Variants in TM6SF2 observed in about 807,000 individuals in gnomAD.
The protein encoded by TM6SF2 is transmembrane 6 superfamily member 2.
Under a neutral mutation model 41.0 loss-of-function variants are expected in TM6SF2, and 29 were observed. The observed-to-expected ratio is 0.71, with a 90% confidence interval of 0.53 to 0.96. The LOEUF (loss-of-function observed/expected upper bound fraction) is 0.96. Ranked by LOEUF, TM6SF2 falls within the 50% of genes least tolerant of loss-of-function variation. TM6SF2 has a pLI of 0.00. For synonymous variants in TM6SF2, 200 were observed against 209.1 expected (o/e 0.96, Z 0.37); for missense variants, 475 against 499.0 (o/e 0.95, Z 0.46).
chr19:19,270,534 C>A, intron 2 of TM6SF2, 92 bp from the exon 3 acceptor site: 2 of 1,458,074 alleles, frequency 1.4e-6, no homozygotes, highest in South Asian at 2.6e-5. Flanking sequence ...AAGTTAAGGT[C>A]AGGGATGAGA....
chr19:19,269,875 C>G lies in TM6SF2; in HGVS notation c.402-106G>C. 1.9e-6 allele frequency: 3 copies of G among 1,584,940 alleles called. No individual in the cohort carries two copies. In the African/African-American group the frequency reaches 4.0e-5, roughly 21 times the overall value. On this transcript the variant is annotated intron_variant, in intron 4 of 9. Coordinates refer to ENST00000389363, the MANE Select transcript of TM6SF2 (RefSeq NM_001001524.3). ...GGGTTTCCCAGCTCCGGGTCCCTTT[C>G]AGTTTTGCCCAGGATGGAAGGGACA...
intron 2 of TM6SF2, 51 bp from the exon 3 acceptor site, chr19:19,270,493 T>TGGGGACACGTGTGGGG (rs1446784023): frequency 1.3e-6 from 2 of 1,562,784 alleles, no homozygotes; most frequent in Non-Finnish European, 1.7e-6. Flanking sequence ...CACGTGTGGG[T>TGGGGACACGTGTGGGG]GGGGCTAGGG....
intron 4 of TM6SF2, 27 bp downstream of exon 4, chr19:19,270,146 G>A (rs1368010958): frequency 3.7e-6 from 6 of 1,613,210 alleles, no homozygotes; most frequent in Admixed American, 1.7e-5. Flanking sequence ...CCAGGGTCAG[G>A]GGCCACCCTC....
At chr19:19,270,919 G>A (rs2074302) in intron 2 of TM6SF2, 103 bp downstream of exon 2, 8 of 938,534 alleles carry the variant, frequency 8.5e-6, no homozygotes, top group African/African-American at 6.5e-5. Flanking sequence ...AGCTCTTAAA[G>A]GGCCCCCAGT....
chr19:19,267,911 G>T, intron 7 of TM6SF2, 75 bp downstream of exon 7: 1 of 1,223,690 alleles, frequency 8.2e-7, no homozygotes, highest in Non-Finnish European at 1.2e-6. Context: ...AAACAGGAAG[G>T]GCAGTGTGGG....
At chr19:19,267,944 A>G (rs780882997) in intron 7 of TM6SF2, 42 bp downstream of exon 7, 1 of 1,503,080 alleles carries the variant, frequency 6.7e-7, no homozygotes, top group Non-Finnish European at 9.2e-7. Context: ...GGGAAGGGAG[A>G]CTGGTGGCAG....
chr19:19,267,469 C>G, intron 8 of TM6SF2, 152 bp downstream of exon 8: 1 of 512,480 alleles, frequency 2.0e-6, no homozygotes, highest in Middle Eastern at 5.0e-4. Flanking sequence ...TCCAGCCATA[C>G]CTGAAGACCA....
At chr19:19,269,625 T>C in intron 5 of TM6SF2, 62 bp downstream of exon 5, 1 of 1,598,818 alleles carries the variant, frequency 6.3e-7, no homozygotes, top group Non-Finnish European at 8.6e-7. Context: ...TGGGGGTGCT[T>C]CTAGGTGCAG....
intron 1 of TM6SF2, among the ~76,000 whole-genome samples, chr19:19,271,997 T>C (rs569607367): frequency 6.6e-4 from 101 of 152,288 alleles, no homozygotes; most frequent in African/African-American, 2.4e-3. Flanking sequence ...TCCCAGCTCC[T>C]CCCAGCTAAA....
At chr19:19,265,617 C>T (rs980381352) in intron 9 of TM6SF2, among the ~76,000 whole-genome samples, 1 of 151,780 alleles carries the variant, frequency 6.6e-6, no homozygotes, top group Non-Finnish European at 1.5e-5. Flanking sequence ...CAGGTTTTTG[C>T]CATGTTGCCT....
In TM6SF2 at chr19:19,264,404, G is replaced by A. The variant is rs1568610546; in HGVS notation, c.*260C>T. ...AAGGGTTTTTACTGAAAGGATCCAT[G>A]GGGGGATGATGGGTAAGTTCTGGAA... On this transcript the variant is annotated 3_prime_UTR_variant, in exon 10 of 10. Transcript: ENST00000389363. 1 of 345,462 alleles carries A rather than the reference G, an allele frequency of 2.9e-6. No homozygotes were observed. The allele number at this position is 345,462 out of a possible 1,614,324, so 21.4% of individuals were successfully genotyped here.
chr19:19,267,846 G>A, intron 7 of TM6SF2, 133 bp from the exon 8 acceptor site: 1 of 1,091,326 alleles, frequency 9.2e-7, no homozygotes, highest in South Asian at 1.4e-5. Flanking sequence ...GGAGAAATGG[G>A]GCTTTGTCAT....
rs1424190194 is a variant in TM6SF2, at chr19:19,273,218, C to A, written c.-3G>T. 1.4e-6 allele frequency: 2 copies of A among 1,414,812 alleles called. No homozygotes were observed. Among genetic ancestry groups the A allele is most frequent in the Admixed American group, 2.8e-5 (1 of 35,542 alleles). The allele number at this position is 1,414,812 out of a possible 1,614,324, so 87.6% of individuals were successfully genotyped here. A position where few individuals can be genotyped will look rare whatever the true frequency, so the allele number is the denominator to read the frequency against. On this transcript the variant is annotated 5_prime_UTR_variant, in exon 1 of 10. Transcript: ENST00000389363. ...CCGGCCAGCGGCGGGATGTCCATAG[C>A]GGCGGCTGCTGGACCCCGGCTCAGC... is the stretch of plus-strand genomic sequence containing the variant.
At position 19,268,756 on chromosome 19, in the gene TM6SF2, T is replaced by C; in HGVS notation, c.485-2A>G. On this transcript the variant is annotated splice_acceptor_variant, in intron 5 of 9. Coordinates refer to ENST00000389363, the MANE Select transcript of TM6SF2 (RefSeq NM_001001524.3). LOFTEE classifies it high-confidence loss of function. Reference sequence around the variant, plus strand: ...GCCTGATCTCGGAGCTGTATTTGCCTTCCATGGTGCAGGAGAGAGGGCATC... The same window carrying C: ...GCCTGATCTCGGAGCTGTATTTGCCCTCCATGGTGCAGGAGAGAGGGCATC... 1 of 1,600,432 alleles carries C rather than the reference T, an allele frequency of 6.2e-7. No homozygotes were observed. Among genetic ancestry groups the C allele is most frequent in the Non-Finnish European group, 8.5e-7 (1 of 1,175,144 alleles).
At chr19:19,269,543 G>T (rs1568612548) in intron 5 of TM6SF2, 144 bp downstream of exon 5, 2 of 986,626 alleles carry the variant, frequency 2.0e-6, no homozygotes, top group South Asian at 1.6e-5. Context: ...GTGGGCTGCT[G>T]ACTGAGGCTG....
Position 19,264,751 on chromosome 19 carries a change from C to A in TM6SF2, c.1047G>T (p.Leu349=). 1 of 1,606,430 alleles carries A rather than the reference C, an allele frequency of 6.2e-7. No homozygotes were observed. Among genetic ancestry groups the A allele is most frequent in the Non-Finnish European group, 8.5e-7 (1 of 1,176,654 alleles). ...CNLLYALGPH[L]LAYRCLQWPA... is the part of the protein sequence containing the mutation. ...GCCACTGAAGGCAACGGTAGGCCAG[C>A]AGGTGGGGGCCCAGCGCATACAGCA... is the stretch of plus-strand genomic sequence containing the variant. Residue 349 remains leucine, a synonymous_variant, in exon 10 of 10, where the codon CTG becomes CTT. Transcript: ENST00000389363.
intron 6 of TM6SF2, 114 bp from the exon 7 acceptor site, chr19:19,268,201 C>CTT: frequency 3.0e-6 from 2 of 670,420 alleles, no homozygotes; most frequent in Non-Finnish European, 4.8e-6. Context: ...TCTTTTTTTT[C>CTT]TTTTTTCTTT....
chr19:19,266,786 C>T (rs1349168408), intron 8 of TM6SF2, 177 bp from the exon 9 acceptor site: 6 of 671,922 alleles, frequency 8.9e-6, no homozygotes, highest in East Asian at 3.1e-5. Context: ...CCCCAACCCC[C>T]GAACACATAC....
chr19:19,267,938 A>C, intron 7 of TM6SF2, 48 bp downstream of exon 7: 2 of 1,416,466 alleles, frequency 1.4e-6, no homozygotes, highest in South Asian at 2.3e-5. Flanking sequence ...GGGTCAGGGA[A>C]GGGAGACTGG....
Sources: gnomAD v4.1 joint callset for allele counts (sites outside exome capture counted in the v4.1 genomes callset) on GRCh38, gnomAD v4.1.1 for gene constraint, MANE v1.5 for transcripts, NCBI Gene and HGNC (gene_info 2026-07-23, HGNC 2026-07-21) for gene names.